C1orf21: variants seen among roughly 807,000 people sequenced by gnomAD.
C1orf21 encodes the protein chromosome 1 open reading frame 21, also known as uncharacterized protein C1orf21.
C1orf21 carries 3 observed loss-of-function variants against 18.7 expected under a neutral mutation model. The observed-to-expected ratio is 0.16, with a 90% CI of 0.07 to 0.42. C1orf21 has a LOEUF of 0.42. Ranked by LOEUF, C1orf21 falls within the 10% of genes least tolerant of loss-of-function variation. The pLI is 0.99. For synonymous variants in C1orf21, 41 were observed against 46.4 expected, an observed-to-expected ratio of 0.88 and a Z score of 0.47; for missense variants, 104 against 143.6, an observed-to-expected ratio of 0.72 and a Z score of 1.41.
intron 1 of C1orf21, among the ~76,000 whole-genome samples, chr1:184,409,403 G>A (rs578207681): frequency 1.3e-5 from 2 of 152,272 alleles, no homozygotes; most frequent in South Asian, 4.1e-4. Context: ...CGGGTAGGGG[G>A]ATGGGAAGAT....
rs116614601 is a variant in C1orf21 at position 184,512,633 on chromosome 1, T to C, written c.189+4951T>C. 9.4e-3 allele frequency among the ~76,000 whole-genome samples: 1,436 copies of C among 152,328 alleles called. 27 individuals carry two copies. Among genetic ancestry groups the C allele is most frequent in the African/African-American group, 0.033 (1,380 of 41,566 alleles). ...TGGTGTAAAGTAGTAGCATTTGCTT[T>C]GGAGAGTATACATAGGTAAGTATCA... is the stretch of plus-strand genomic sequence containing the variant. On this transcript the variant is annotated intron_variant, in intron 3 of 5. Transcript: ENST00000235307.
intron 1 of C1orf21, among the ~76,000 whole-genome samples, chr1:184,449,356 A>G (rs891560195): frequency 3.9e-5 from 6 of 152,160 alleles, no homozygotes; most frequent in African/African-American, 1.2e-4. Flanking sequence ...AGCTTCATCC[A>G]TGTCCCTACA....
At chr1:184,468,988 A>G (rs1657450501) in intron 1 of C1orf21, among the ~76,000 whole-genome samples, 1 of 152,008 alleles carries the variant, frequency 6.6e-6, no homozygotes, top group Non-Finnish European at 1.5e-5. Flanking sequence ...TAGTCCCAGC[A>G]CTTTGGGAGG....
intron 3 of C1orf21, among the ~76,000 whole-genome samples, chr1:184,588,787 A>T (rs558368646): frequency 2.3e-4 from 35 of 152,334 alleles, no homozygotes; most frequent in African/African-American, 7.9e-4. Flanking sequence ...GAGCAAACAC[A>T]TTGTAAATAC....
At chr1:184,542,003 G>A (rs1353367320) in intron 3 of C1orf21, among the ~76,000 whole-genome samples, 4 of 152,304 alleles carry the variant, frequency 2.6e-5, no homozygotes, top group Admixed American at 6.5e-5. Flanking sequence ...AAGGAAGGGC[G>A]AAGGTGATTG....
chr1:184,424,906 G>A (rs562889482), intron 1 of C1orf21, among the ~76,000 whole-genome samples: 135 of 152,314 alleles, frequency 8.9e-4, no homozygotes, highest in Middle Eastern at 3.4e-3. Flanking sequence ...GCGAGCACAT[G>A]TTGAGTTTCT....
chr1:184,442,623 T>A (rs139871226), intron 1 of C1orf21, among the ~76,000 whole-genome samples: 33 of 152,230 alleles, frequency 2.2e-4, no homozygotes, highest in African/African-American at 7.9e-4. Flanking sequence ...AATCTTATGA[T>A]CTGAGTGATT....
intron 1 of C1orf21, among the ~76,000 whole-genome samples, chr1:184,465,403 G>A (rs1011591754): frequency 1.3e-5 from 2 of 152,102 alleles, no homozygotes; most frequent in African/African-American, 4.8e-5. Context: ...ATAAAAATCT[G>A]GGCATAGAAA....
At chr1:184,521,132 G>A (rs992679553) in intron 3 of C1orf21, among the ~76,000 whole-genome samples, 2 of 151,996 alleles carry the variant, frequency 1.3e-5, no homozygotes, top group Admixed American at 6.5e-5. Context: ...ACCTCCACTC[G>A]CCTCGGCCTC....
In C1orf21 at chr1:184,628,072, G is replaced by A. The variant is rs536099986; in HGVS notation, c.*8516G>A. On this transcript the variant is annotated 3_prime_UTR_variant, in exon 6 of 6. Coordinates refer to ENST00000235307, the MANE Select transcript of C1orf21 (RefSeq NM_030806.4). The stretch of plus-strand genomic sequence containing the variant: ...TTACGAGGCATCACCTCTCAATCAG[G>A]TCTGGGAGGTATCTTGGGGCATTGC... 120 of 152,324 alleles carry A rather than the reference G, an allele frequency of 7.9e-4. No individual in the cohort carries two copies. The highest frequency in any genetic ancestry group is 2.6e-3 in the African/African-American group (107 of 41,564). 9.4% of individuals were successfully genotyped at this position (152,324 alleles called of 1,614,324 possible).
chr1:184,621,120 A>G lies in C1orf21; in HGVS notation c.*1564A>G, dbSNP rs1659910182. The stretch of plus-strand genomic sequence containing the variant: ...ATGTCAATTTGCTCTTGCCGAAAAG[A>G]TGAGCCTCGATTTTAAAATCTATCC... On this transcript the variant is annotated 3_prime_UTR_variant, in exon 6 of 6. Transcript: ENST00000235307. 1 of 152,418 alleles carries G rather than the reference A, an allele frequency of 6.6e-6. No homozygotes were observed. Among genetic ancestry groups the G allele is most frequent in the Admixed American group, 6.5e-5 (1 of 15,278 alleles). The allele number at this position is 152,418 out of a possible 1,614,324, so 9.4% of individuals were successfully genotyped here.
At position 184,624,125 on chromosome 1, in the gene C1orf21, T is replaced by C. The variant is rs1216305519; in HGVS notation, c.*4569T>C. 6.6e-6 allele frequency: 1 copy of C among 152,642 alleles called. No individual in the cohort carries two copies. Among genetic ancestry groups the C allele is most frequent in the African/African-American group, 2.4e-5 (1 of 41,446 alleles). The allele number at this position is 152,642 out of a possible 1,614,324, so 9.5% of individuals were successfully genotyped here. A position where few individuals can be genotyped will look rare whatever the true frequency, so the allele number is the denominator to read the frequency against. On this transcript the variant is annotated 3_prime_UTR_variant, in exon 6 of 6. Coordinates refer to ENST00000235307, the MANE Select transcript of C1orf21 (RefSeq NM_030806.4). ...GCCCATGTTGAAAGAAGGAAAGATG[T>C]CATTCAAGTATTTTTCAAATTCTTT... is the stretch of plus-strand genomic sequence containing the variant.
At chr1:184,580,632 G>A (rs1352687164) in intron 3 of C1orf21, among the ~76,000 whole-genome samples, 2 of 152,166 alleles carry the variant, frequency 1.3e-5, no homozygotes, top group Non-Finnish European at 2.9e-5. Flanking sequence ...ATTTCTTTGG[G>A]ACGTTGTCCC....
intron 3 of C1orf21, among the ~76,000 whole-genome samples, chr1:184,574,908 G>A (rs149729170): frequency 4.8e-4 from 73 of 152,332 alleles, no homozygotes; most frequent in African/African-American, 1.7e-3. Context: ...TCCACAGGAC[G>A]AGCTCAGCTC....
chr1:184,388,534 C>T (rs1571335721), intron 1 of C1orf21, among the ~76,000 whole-genome samples: 1 of 152,172 alleles, frequency 6.6e-6, no homozygotes, highest in Non-Finnish European at 1.5e-5. Flanking sequence ...CCCTGGGCAC[C>T]CAGAACCTCA....
chr1:184,609,871 C>A (rs970314698), intron 5 of C1orf21, among the ~76,000 whole-genome samples: 6 of 152,170 alleles, frequency 3.9e-5, no homozygotes, highest in African/African-American at 1.4e-4. Flanking sequence ...AATTTGAAGA[C>A]TGATTGGGAA....
At chr1:184,548,253 A>T (rs1202664210) in intron 3 of C1orf21, among the ~76,000 whole-genome samples, 1 of 146,290 alleles carries the variant, frequency 6.8e-6, no homozygotes, top group Non-Finnish European at 1.5e-5. Context: ...ACACACACAC[A>T]CACTCACACA....
chr1:184,431,439 C>T (rs1478129383), intron 1 of C1orf21, among the ~76,000 whole-genome samples: 1 of 152,094 alleles, frequency 6.6e-6, no homozygotes, highest in Non-Finnish European at 1.5e-5. Context: ...AAACTGGACC[C>T]CTTCCTTATG....
intron 3 of C1orf21, among the ~76,000 whole-genome samples, chr1:184,510,082 G>A (rs1327906344): frequency 6.6e-6 from 1 of 152,130 alleles, no homozygotes; most frequent in Non-Finnish European, 1.5e-5. Flanking sequence ...CAAAACAAAA[G>A]GAAAGAATAA....
Sources: gnomAD v4.1 joint callset for allele counts (sites outside exome capture counted in the v4.1 genomes callset) on GRCh38, gnomAD v4.1.1 for gene constraint, MANE v1.5 for transcripts, NCBI Gene and HGNC (gene_info 2026-07-23, HGNC 2026-07-21) for gene names.